SAMMSON: variants seen among roughly 807,000 people sequenced by gnomAD.
The protein encoded by SAMMSON is long intergenic non-protein coding RNA 1212.
At chr3:70,385,730 G>T (rs1370990971) in intron 9 of SAMMSON, among the ~76,000 whole-genome samples, 5 of 152,070 alleles carry the variant, frequency 3.3e-5, no homozygotes, top group African/African-American at 1.2e-4. Context: ...CTGATTAGTG[G>T]CAATAACTCA....
chr3:70,277,702 T>C (rs1326076630), intron 6 of SAMMSON, among the ~76,000 whole-genome samples: 1 of 152,150 alleles, frequency 6.6e-6, no homozygotes, highest in Admixed American at 6.5e-5. Flanking sequence ...CTTCAGGGCA[T>C]GATGCCACCT....
intron 4 of SAMMSON, among the ~76,000 whole-genome samples, chr3:70,178,138 C>T (rs922404735): frequency 1.3e-5 from 2 of 152,086 alleles, no homozygotes; most frequent in Admixed American, 6.5e-5. Flanking sequence ...CCCAGGAGGG[C>T]TGTCCTATTG....
At chr3:70,409,245 T>A (rs947627267) in intron 2 of SAMMSON, among the ~76,000 whole-genome samples, 1 of 152,164 alleles carries the variant, frequency 6.6e-6, no homozygotes, top group Admixed American at 6.5e-5. Context: ...TACCAACCAT[T>A]ATTTTATTTT....
At chr3:70,299,415 A>G (rs4302352) in intron 7 of SAMMSON, among the ~76,000 whole-genome samples, 236 of 152,092 alleles carry the variant, frequency 1.6e-3, no homozygotes, top group African/African-American at 5.4e-3. Context: ...CCATTTTCAT[A>G]TTCTAATTTT....
At chr3:70,191,942 T>C (rs1476670902) in intron 4 of SAMMSON, among the ~76,000 whole-genome samples, 2 of 150,560 alleles carry the variant, frequency 1.3e-5, no homozygotes, top group Non-Finnish European at 3.0e-5. Context: ...TGTTAGAGAA[T>C]GTAATAATAT....
intron 4 of SAMMSON, among the ~76,000 whole-genome samples, chr3:70,142,474 G>A (rs1304835220): frequency 6.6e-6 from 1 of 152,268 alleles, no homozygotes; most frequent in South Asian, 2.1e-4. Flanking sequence ...CTCATAAGTG[G>A]GAGCTAGGCT....
chr3:70,389,462 C>T (rs1392690304), intron 9 of SAMMSON: 1 of 152,094 alleles, frequency 6.6e-6, no homozygotes, highest in Admixed American at 6.6e-5. Context: ...TTGATCTTCT[C>T]CTAACCTCTT....
At chr3:70,350,253 A>G (rs1476905761) in intron 7 of SAMMSON, among the ~76,000 whole-genome samples, 1 of 152,194 alleles carries the variant, frequency 6.6e-6, no homozygotes, top group South Asian at 2.1e-4. Context: ...GATCTCCCAA[A>G]TATTCTATAC....
At chr3:70,085,343 T>G (rs2106643549) in intron 4 of SAMMSON, among the ~76,000 whole-genome samples, 1 of 152,330 alleles carries the variant, frequency 6.6e-6, no homozygotes, top group South Asian at 2.1e-4. Context: ...CCTTTTTCAT[T>G]ATCACCTTCA....
rs189641925 is a variant in SAMMSON, at chr3:70,251,908, G to T, written n.674+2238G>T. 5.4e-3 allele frequency among the ~76,000 whole-genome samples: 815 copies of T among 152,270 alleles called. 2 individuals carry two copies. The highest frequency in any genetic ancestry group is 8.6e-3 in the Non-Finnish European group (584 of 68,020). On this transcript the variant is annotated intron_variant and non_coding_transcript_variant, in intron 6 of 9. Transcript: ENST00000642114. ...TTGCCATTGAAATTTGGGATGTCTT[G>T]TTACACTGTAATTATGGCAATATTT...
At chr3:70,011,597 G>A (rs1384355275) in intron 1 of SAMMSON, among the ~76,000 whole-genome samples, 1 of 151,166 alleles carries the variant, frequency 6.6e-6, no homozygotes, top group Non-Finnish European at 1.5e-5. Context: ...CTGAAATGAA[G>A]AGTTTACTTT....
At chr3:70,074,619 C>T (rs1313186408) in intron 4 of SAMMSON, among the ~76,000 whole-genome samples, 2 of 152,112 alleles carry the variant, frequency 1.3e-5, no homozygotes, top group East Asian at 1.9e-4. Flanking sequence ...AATCAGTCTT[C>T]GTGAACACTT....
chr3:70,083,431 C>T (rs1434616323), intron 4 of SAMMSON, among the ~76,000 whole-genome samples: 3 of 152,126 alleles, frequency 2.0e-5, no homozygotes, highest in South Asian at 2.1e-4. Flanking sequence ...CCTCTATCCC[C>T]GACTTCTAGC....
chr3:70,237,330 T>C lies in SAMMSON; in HGVS notation n.508-11777T>C, dbSNP rs1275346790. On this transcript the variant is annotated intron_variant and non_coding_transcript_variant, in intron 4 of 9. Transcript: ENST00000642114. ...CCTCTATTAATGAATGCTTAAACAC[T>C]ACCTTGCTATGTTTATTTCCCATCC... Among the ~76,000 whole-genome samples the C allele has an allele frequency of 2.0e-5, 3 of 152,212 alleles. No individual in the cohort carries two copies. In the East Asian group the frequency reaches 5.8e-4, roughly 29 times the overall value.
intron 2 of SAMMSON, among the ~76,000 whole-genome samples, chr3:70,400,667 C>G (rs1292627665): frequency 6.6e-6 from 1 of 152,164 alleles, no homozygotes; most frequent in Non-Finnish European, 1.5e-5. Context: ...CAAGGTGGCT[C>G]ATGCCTGTAA....
rs574949861 is a variant in SAMMSON at position 70,369,018 on chromosome 3, T to C, written n.913+10694T>C. Among the ~76,000 whole-genome samples, 380 of 151,816 alleles carry C rather than the reference T, an allele frequency of 2.5e-3. 1 individual carries two copies. Among genetic ancestry groups the C allele is most frequent in the African/African-American group, 8.8e-3 (364 of 41,528 alleles). ...ATCTTCCCATTTATGTAGATTTTCTTTGATTTTTTTAAATTAAAGTTTTCT... is the reference window on the plus strand; with the variant it reads ...ATCTTCCCATTTATGTAGATTTTCTCTGATTTTTTTAAATTAAAGTTTTCT... On this transcript the variant is annotated intron_variant and non_coding_transcript_variant, in intron 9 of 9. Coordinates refer to ENST00000642114, the Ensembl canonical transcript of SAMMSON.
At chr3:70,083,603 C>CA (rs2067274741) in intron 4 of SAMMSON, among the ~76,000 whole-genome samples, 2 of 152,176 alleles carry the variant, frequency 1.3e-5, no homozygotes, top group South Asian at 4.1e-4. Flanking sequence ...TTGAGGGCAT[C>CA]AAGGGGGAGG....
At chr3:70,402,761 C>A (rs1404713568) in intron 2 of SAMMSON, among the ~76,000 whole-genome samples, 3 of 151,978 alleles carry the variant, frequency 2.0e-5, no homozygotes, top group African/African-American at 7.3e-5. Flanking sequence ...ACTCAAGAGG[C>A]TAAGGCAGGA....
At chr3:70,099,642 C>T (rs1054567360) in intron 4 of SAMMSON, among the ~76,000 whole-genome samples, 1 of 152,072 alleles carries the variant, frequency 6.6e-6, no homozygotes, top group Non-Finnish European at 1.5e-5. Context: ...ATATTTTCTT[C>T]AAGCTTGTTC....
Sources: allele counts gnomAD v4.1 joint callset (sites outside exome capture counted in the v4.1 genomes callset), GRCh38; gene constraint gnomAD v4.1.1; transcripts MANE v1.5; gene names NCBI Gene and HGNC (gene_info 2026-07-23, HGNC 2026-07-21).